Variants in TCF20 observed in about 807,000 individuals in gnomAD.
TCF20 encodes transcription factor 20, also known as SPRE-binding protein.
TCF20 carries 3 observed loss-of-function variants against 148.6 expected under a neutral mutation model. The ratio of observed to expected loss-of-function variants is 0.02; its 90% CI spans 0.01 to 0.05. TCF20 has a LOEUF of 0.05. TCF20 is among the 10% of genes least tolerant of loss of function. The pLI is 1.00. For synonymous variants in TCF20, 1,049 were observed against 909.5 expected, an observed-to-expected ratio of 1.15 and a Z score of -2.76; for missense variants, 2,350 against 2,429.3, an observed-to-expected ratio of 0.97 and a Z score of 0.69.
At chr22:42,296,748 C>A (rs978556597) in intron 1 of TCF20, among the ~76,000 whole-genome samples, 2 of 152,256 alleles carry the variant, frequency 1.3e-5, no homozygotes, top group Non-Finnish European at 2.9e-5. Flanking sequence ...GGGGGCCCTG[C>A]TGATGCCAGC....
upstream of TCF20, among the ~76,000 whole-genome samples, chr22:42,285,468 C>G (rs1328642938): frequency 6.6e-6 from 1 of 152,068 alleles, no homozygotes; most frequent in Non-Finnish European, 1.5e-5. The surrounding 1 kb of genome is among the most constrained non-coding windows in gnomAD (Gnocchi z 4.2). Context: ...CTACCAAGGG[C>G]TGCGTCTGCA....
intron 1 of TCF20, among the ~76,000 whole-genome samples, chr22:42,332,329 G>C (rs565592317): frequency 8.5e-5 from 13 of 152,240 alleles, no homozygotes; most frequent in African/African-American, 2.9e-4. Context: ...AGAACAAAAG[G>C]TCCCTCTATG....
intron 1 of TCF20, among the ~76,000 whole-genome samples, chr22:42,261,370 C>A (rs1199190911): frequency 6.6e-6 from 1 of 152,172 alleles, no homozygotes; most frequent in African/African-American, 2.4e-5. Context: ...GGTCACAGGG[C>A]AGATGTATGT....
intron 1 of TCF20, among the ~76,000 whole-genome samples, chr22:42,231,924 G>A (rs796787951): frequency 9.6e-4 from 19 of 19,748 alleles, no homozygotes; most frequent in Non-Finnish European, 1.7e-3. Flanking sequence ...GAGAGACTCC[G>A]TCTCAAAAAA....
At chr22:42,283,050 T>C (rs1290846537) in intron 1 of TCF20, among the ~76,000 whole-genome samples, 2 of 152,214 alleles carry the variant, frequency 1.3e-5, no homozygotes, top group African/African-American at 4.8e-5. Flanking sequence ...CCTTCTCCTG[T>C]CATTCTCCGC....
chr22:42,203,604 C>A (rs995104550), intron 2 of TCF20, among the ~76,000 whole-genome samples: 2 of 152,064 alleles, frequency 1.3e-5, no homozygotes, highest in African/African-American at 2.4e-5. Flanking sequence ...AAAGATATAC[C>A]ACACAGTGTT....
chr22:42,225,641 A>AAT (rs1291192341), intron 1 of TCF20, among the ~76,000 whole-genome samples: 2 of 151,640 alleles, frequency 1.3e-5, no homozygotes, highest in Non-Finnish European at 2.9e-5. Flanking sequence ...AAAAAAAAAA[A>AAT]ATTACAACCC....
intron 3 of TCF20, among the ~76,000 whole-genome samples, chr22:42,178,822 C>G (rs1569109622): frequency 6.6e-6 from 1 of 151,532 alleles, no homozygotes; most frequent in South Asian, 2.1e-4. Context: ...CCATGATCCA[C>G]CCGCCCGGCC....
chr22:42,195,128 G>A (rs1421208425), intron 2 of TCF20, among the ~76,000 whole-genome samples: 1 of 149,114 alleles, frequency 6.7e-6, no homozygotes, highest in Non-Finnish European at 1.5e-5. Context: ...GGGAGACCCT[G>A]GAGGAAGAAC....
chr22:42,206,656 T>C (rs1038579797), intron 2 of TCF20, among the ~76,000 whole-genome samples: 9 of 152,140 alleles, frequency 5.9e-5, no homozygotes, highest in African/African-American at 2.2e-4. Context: ...TTCACCGTGA[T>C]GTTAATAATG....
At chr22:42,192,245 G>A (rs1335413778) in intron 2 of TCF20, among the ~76,000 whole-genome samples, 4 of 152,074 alleles carry the variant, frequency 2.6e-5, no homozygotes, top group African/African-American at 4.8e-5. Flanking sequence ...GTGCAGAAAC[G>A]ACAAACCTGC....
chr22:42,319,747 T>C (rs972303027), intron 1 of TCF20, among the ~76,000 whole-genome samples: 4 of 152,256 alleles, frequency 2.6e-5, no homozygotes, highest in African/African-American at 7.2e-5. Flanking sequence ...TGAGCCCTTC[T>C]TCACACCCTG....
chr22:42,215,534 G>C (rs769827111), intron 1 of TCF20, 193 bp from the exon 2 acceptor site: 1 of 665,422 alleles, frequency 1.5e-6, no homozygotes, highest in Non-Finnish European at 2.4e-6. Context: ...GCAATTGCAC[G>C]ATCTCAGCTC....
chr22:42,199,480 G>A (rs1937835602), intron 2 of TCF20, among the ~76,000 whole-genome samples: 1 of 151,994 alleles, frequency 6.6e-6, no homozygotes, highest in Non-Finnish European at 1.5e-5. Context: ...TTTTCTTCAG[G>A]CCCATAAAAA....
intron 2 of TCF20, among the ~76,000 whole-genome samples, chr22:42,188,293 C>CAAAAAAAAAAAAAAAAAAAAAAA (rs58945649): frequency 4.0e-5 from 2 of 49,464 alleles, no homozygotes; most frequent in Admixed American, 3.6e-4. Context: ...AACTCCGTCT[C>CAAAAAAAAAAAAAAAAAAAAAAA]AAAAAAAAAA....
Position 42,213,740 on chromosome 22 carries a change from G to T in TCF20, c.1566C>A (p.Gly522=). Reference sequence around the variant, plus strand: ...CTTGATCCTCTGAACTGCTGGAGCAGCCTCCATCTAATGACTCTGCCATAG... The same window carrying T: ...CTTGATCCTCTGAACTGCTGGAGCATCCTCCATCTAATGACTCTGCCATAG... ...KSPMAESLDG[G]CSSSSEDQGE... Residue 522 remains glycine (G), a synonymous_variant, in exon 2 of 6, where the codon GGC becomes GGA. Coordinates refer to ENST00000677622, the MANE Select transcript of TCF20 (RefSeq NM_001378418.1). 1 of 1,614,126 alleles carries T rather than the reference G, an allele frequency of 6.2e-7. No individual in the cohort carries two copies. The highest frequency in any genetic ancestry group is 1.1e-5 in the South Asian group (1 of 91,086).
intron 2 of TCF20, among the ~76,000 whole-genome samples, chr22:42,204,775 G>A (rs1938277060): frequency 6.6e-6 from 1 of 152,116 alleles, no homozygotes; most frequent in African/African-American, 2.4e-5. Context: ...AACCCACGAG[G>A]AGGTGGTTGC....
intron 1 of TCF20, among the ~76,000 whole-genome samples, chr22:42,310,437 T>C (rs1456699807): frequency 2.8e-5 from 3 of 108,414 alleles, no homozygotes; most frequent in African/African-American, 1.0e-4. Context: ...CTCTGGGGGG[T>C]TGTGCGGGGG....
At chr22:42,189,555 G>T (rs763017737) in intron 2 of TCF20, among the ~76,000 whole-genome samples, 1 of 152,212 alleles carries the variant, frequency 6.6e-6, no homozygotes, top group South Asian at 2.1e-4. Context: ...ATAGCTCAGG[G>T]TTTTGAGTAA....
Sources: allele counts gnomAD v4.1 joint callset (sites outside exome capture counted in the v4.1 genomes callset), GRCh38; gene constraint gnomAD v4.1.1; non-coding constraint Gnocchi (gnomAD v3.1); transcripts MANE v1.5; gene names NCBI Gene and HGNC (gene_info 2026-07-23, HGNC 2026-07-21).